GCN1: variants seen among roughly 807,000 people sequenced by gnomAD.
GCN1 encodes the protein GCN1 activator of EIF2AK4.
Under a neutral mutation model 288.4 loss-of-function variants are expected in GCN1, and 90 were observed. The ratio of observed to expected loss-of-function variants is 0.31; its 90% confidence interval spans 0.26 to 0.37. The LOEUF is 0.37. Among genes scored for constraint, GCN1 ranks in the 10% least tolerant of loss-of-function variants. The probability of loss-of-function intolerance (pLI) is 1.00; values close to 1 mark genes in which losing one functional copy is unlikely to be tolerated. For missense variants in GCN1, 2,586 were observed against 3,419.9 expected (o/e 0.76, Z 6.08); for synonymous variants, 1,386 against 1,420.2 (o/e 0.98, Z 0.54).
intron 2 of GCN1, among the ~76,000 whole-genome samples, chr12:120,187,426 G>C (rs1051839939): frequency 2.0e-5 from 3 of 152,032 alleles, no homozygotes; most frequent in Non-Finnish European, 2.9e-5. Flanking sequence ...ATGTTGGCCA[G>C]GCTGGTCTTG....
At position 120,151,157 on chromosome 12, in the gene GCN1, G is replaced by A. The variant is rs373411123; in HGVS notation, c.4297C>T (p.Arg1433Cys). The change falls in exon 34 of 58, where the codon CGC becomes TGC. Residue 1433 changes from arginine to cysteine, a missense_variant. Transcript: ENST00000300648. ...TDAIQDKKNFRRREGALFAFE... is the reference protein window; with the variant it reads ...TDAIQDKKNFCRREGALFAFE... ...CAGAGATGCTCACCCTCTCGCCGGC[G>A]GAAGTTCTTCTTATCTTGGATGGCA... is the stretch of plus-strand genomic sequence containing the variant. 8.1e-6 allele frequency: 13 copies of A among 1,613,318 alleles called. No individual in the cohort carries two copies. Among genetic ancestry groups the A allele is most frequent in the African/African-American group, 2.7e-5 (2 of 74,928 alleles).
Position 120,156,523 on chromosome 12 carries a change from C to T in GCN1, c.3250G>A (p.Val1084Met). 1.2e-6 allele frequency: 2 copies of T among 1,613,996 alleles called. No individual in the cohort carries two copies. The highest frequency in any genetic ancestry group is 1.7e-6 in the Non-Finnish European group (2 of 1,179,914). ...DGCAFAEQEE[V>M]DVLLCALQSP... is the part of the protein sequence containing the mutation. ...TGCAAGGCACAGAGCAGCACGTCCA[C>T]CTCCTCCTGCTCTGCAAAGGCACAG... The change falls in exon 28 of 58, where the codon GTG (valine) becomes ATG (methionine). Residue 1084 changes from valine to methionine, a missense_variant. Coordinates refer to ENST00000300648, the MANE Select transcript of GCN1 (RefSeq NM_006836.2). This position sits in a 1 kb window ranked among gnomAD's most constrained non-coding sequence, Gnocchi z 5.8.
At chr12:120,185,055 T>C (rs983954311) in intron 2 of GCN1, among the ~76,000 whole-genome samples, 168 bp from the exon 3 acceptor site, 2 of 152,106 alleles carry the variant, frequency 1.3e-5, no homozygotes, top group African/African-American at 4.8e-5. Context: ...TCTAGGAAAA[T>C]GCCTGGTACA....
At chr12:120,140,789 A>G (rs1215488123) in intron 45 of GCN1, 70 bp downstream of exon 45, 7 of 1,448,336 alleles carry the variant, frequency 4.8e-6, no homozygotes, top group South Asian at 1.2e-5. Context: ...CTCCTTCAGT[A>G]GCCCTCCCCC....
intron 16 of GCN1, 143 bp from the exon 17 acceptor site, chr12:120,164,864 TG>T (rs1464704996): frequency 1.1e-5 from 6 of 536,430 alleles, no homozygotes; most frequent in African/African-American, 2.0e-5. Flanking sequence ...AATTACAGCT[TG>T]TTTTTTTTTT....
At chr12:120,140,770 G>A in intron 45 of GCN1, 89 bp downstream of exon 45, 1 of 1,294,150 alleles carries the variant, frequency 7.7e-7, no homozygotes, top group Non-Finnish European at 1.1e-6. Context: ...AAACCCCCTA[G>A]AGGTGAACCT....
intron 57 of GCN1, among the ~76,000 whole-genome samples, chr12:120,128,837 CTT>C (rs35329199): frequency 4.1e-5 from 4 of 98,410 alleles, no homozygotes; most frequent in African/African-American, 4.6e-5. Flanking sequence ...TCACCCAAAT[CTT>C]TTTTTTTTTT....
Position 120,153,208 on chromosome 12 carries a change from G to A in GCN1, c.4062+5C>T. The A allele has an allele frequency of 6.2e-7, 1 of 1,613,304 alleles. No individual in the cohort carries two copies. The highest frequency in any genetic ancestry group is 8.5e-7 in the Non-Finnish European group (1 of 1,179,346). On this transcript the variant is annotated splice_donor_5th_base_variant and intron_variant, in intron 33 of 57. Transcript: ENST00000300648. The surrounding 1 kb of genome is among the most constrained non-coding windows in gnomAD (Gnocchi z 4.4). Reference sequence around the variant, plus strand: ...CATGTGGGTCCCAGGCCAGATGGCAGGTACCTGCTGGGAGGGGGTGGAGAG... The same window carrying A: ...CATGTGGGTCCCAGGCCAGATGGCAAGTACCTGCTGGGAGGGGGTGGAGAG...
At chr12:120,187,625 C>T (rs1878861937) in intron 2 of GCN1, among the ~76,000 whole-genome samples, 1 of 151,650 alleles carries the variant, frequency 6.6e-6, no homozygotes, top group African/African-American at 2.4e-5. Context: ...CAGGGTCTCA[C>T]TCTGTCACCC....
At chr12:120,179,620 C>T (rs1201197126) in intron 5 of GCN1, among the ~76,000 whole-genome samples, 2 of 151,962 alleles carry the variant, frequency 1.3e-5, no homozygotes, top group African/African-American at 4.8e-5. Context: ...AGGATGGTCT[C>T]GATCTCCTGA....
At chr12:120,179,074 T>A (rs533109131) in intron 5 of GCN1, 124 bp from the exon 6 acceptor site, 17 of 736,146 alleles carry the variant, frequency 2.3e-5, no homozygotes, top group Non-Finnish European at 2.7e-5. Context: ...ACTCAGCCTC[T>A]CCCACTCAAC....
At position 120,156,261 on chromosome 12, in the gene GCN1, AG is replaced by A. The variant is rs1877743394; in HGVS notation, c.3312+199del. ...TTTAAAAATTAAGTGAAGTGTTCCA[AG>A]GTAAAGGAAAAAATACAGTGATACA... On this transcript the variant is annotated intron_variant, in intron 28 of 57. Transcript: ENST00000300648. The surrounding 1 kb of genome is among the most constrained non-coding windows in gnomAD (Gnocchi z 5.8). 1.3e-5 allele frequency among the ~76,000 whole-genome samples: 2 copies of A among 152,230 alleles called. No homozygotes were observed. The highest frequency in any genetic ancestry group is 4.1e-4 in the South Asian group (2 of 4,838).
Position 120,155,372 on chromosome 12 carries a change from C to T in GCN1, c.3499G>A (p.Asp1167Asn), listed in dbSNP as rs199974268. 3 of 1,614,020 alleles carry T rather than the reference C, an allele frequency of 1.9e-6. No homozygotes were observed. The highest frequency in any genetic ancestry group is 2.5e-6 in the Non-Finnish European group (3 of 1,180,034). Residue 1167 changes from aspartate (D) to asparagine (N), a missense_variant, in exon 30 of 58, where the codon GAC becomes AAC. By Grantham distance (23) the Asp-to-Asn change is conservative. This residue lies in a region of GCN1 where 332 missense variants were observed against 403.0 expected (regional missense o/e 0.82). Coordinates refer to ENST00000300648, the MANE Select transcript of GCN1 (RefSeq NM_006836.2). This position sits in a 1 kb window ranked among gnomAD's most constrained non-coding sequence, Gnocchi z 4.9. ...ACAGCCGCCTCATGATAGATCACGT[C>T]GTCAATCAGCAAGGAGCAGAGGTCT... is the stretch of plus-strand genomic sequence containing the variant. ...QPDLCSLLID[D>N]VIYHEAAVRQ...
chr12:120,142,822 A>G lies in GCN1; in HGVS notation c.5613+2T>C. ...CAGGGGCAGGAAAGCCACTGCAGGC[A>G]CCTTGTTGGACTGGGCAGTTCCAAA... On this transcript the variant is annotated splice_donor_variant, in intron 43 of 57. Coordinates refer to ENST00000300648, the MANE Select transcript of GCN1 (RefSeq NM_006836.2). LOFTEE classifies it high-confidence loss of function. The surrounding 1 kb of genome is among the most constrained non-coding windows in gnomAD (Gnocchi z 4.9). 1 of 1,607,674 alleles carries G rather than the reference A, an allele frequency of 6.2e-7. No homozygotes were observed. The highest frequency in any genetic ancestry group is 8.5e-7 in the Non-Finnish European group (1 of 1,174,108).
At chr12:120,135,908 T>C (rs1479527880) in intron 51 of GCN1, among the ~76,000 whole-genome samples, 1 of 151,722 alleles carries the variant, frequency 6.6e-6, no homozygotes, top group Non-Finnish European at 1.5e-5. Context: ...CCCAGCTACT[T>C]GGGAGGCTGA....
intron 20 of GCN1, chr12:120,162,350 C>G: frequency 2.2e-6 from 1 of 463,778 alleles, no homozygotes; most frequent in East Asian, 4.1e-5. Flanking sequence ...GGCATGTGAC[C>G]CAGAACAGAA....
chr12:120,128,072 T>G (rs1392902618), intron 57 of GCN1, 98 bp from the exon 58 acceptor site: 1 of 1,321,902 alleles, frequency 7.6e-7, no homozygotes. Context: ...ACCCCAGAAC[T>G]AGAGACACTG....
At position 120,129,455 on chromosome 12, in the gene GCN1, C is replaced by G; in HGVS notation, c.7711G>C (p.Glu2571Gln). The G allele has an allele frequency of 2.5e-6, 4 of 1,614,108 alleles. No individual in the cohort carries two copies. Among genetic ancestry groups the G allele is most frequent in the Non-Finnish European group, 3.4e-6 (4 of 1,179,946 alleles). The change falls in exon 57 of 58, where the codon GAG (glutamate) becomes CAG (glutamine). Residue 2571 changes from glutamate (E) to glutamine (Q), a missense_variant. Glu to Gln is a conservative substitution (Grantham distance 29). This residue lies in a region of GCN1 where 355 missense variants were observed against 431.1 expected (regional missense o/e 0.82). Coordinates refer to ENST00000300648, the MANE Select transcript of GCN1 (RefSeq NM_006836.2). ...NPSSDIRLVA[E>Q]KMIWWANKDP... Reference sequence around the variant, plus strand: ...TTATTTGCCCACCAGATCATCTTCTCAGCCACCAGCCTGATGTCGCTGGAT... The same window carrying G: ...TTATTTGCCCACCAGATCATCTTCTGAGCCACCAGCCTGATGTCGCTGGAT...
At position 120,161,867 on chromosome 12, in the gene GCN1, A is replaced by T; in HGVS notation, c.2342+13T>A. ...GGGAGCAAAGGAAACTGAGCCCATA[A>T]GTGAGGTCTCACCTCTGAATGATGG... On this transcript the variant is annotated intron_variant, in intron 21 of 57. Coordinates refer to ENST00000300648, the MANE Select transcript of GCN1 (RefSeq NM_006836.2). The T allele has an allele frequency of 6.2e-7, 1 of 1,612,684 alleles. No homozygotes were observed. The highest frequency in any genetic ancestry group is 8.5e-7 in the Non-Finnish European group (1 of 1,178,938).
Sources: allele counts gnomAD v4.1 joint callset (sites outside exome capture counted in the v4.1 genomes callset), GRCh38; gene constraint gnomAD v4.1.1; regional missense constraint gnomAD v4.1.1; non-coding constraint Gnocchi (gnomAD v3.1); transcripts MANE v1.5; gene names NCBI Gene and HGNC (gene_info 2026-07-23, HGNC 2026-07-21).